ABCC8: variants seen among roughly 807,000 people sequenced by gnomAD.
ABCC8 encodes the protein ATP binding cassette subfamily C member 8, also known as ATP-binding cassette sub-family C member 8.
Under a neutral mutation model 188.0 loss-of-function variants are expected in ABCC8, and 137 were observed. The observed-to-expected ratio is 0.73, with a 90% CI of 0.63 to 0.84. The LOEUF (loss-of-function observed/expected upper bound fraction) is 0.84. Ranked by LOEUF, ABCC8 falls within the 40% of genes least tolerant of loss-of-function variation. The pLI, the probability that ABCC8 is intolerant of heterozygous loss-of-function variation, is 0.00. For synonymous variants in ABCC8, 797 were observed against 846.5 expected (o/e 0.94, Z 1.01); for missense variants, 1,750 against 2,072.7 (o/e 0.84, Z 3.02).
chr11:17,399,610 C>G (rs1295977465), intron 29 of ABCC8, among the ~76,000 whole-genome samples: 4 of 152,154 alleles, frequency 2.6e-5, no homozygotes, highest in Non-Finnish European at 5.9e-5. Flanking sequence ...AGTAGGTTTC[C>G]CCTATTATTG....
At chr11:17,414,227 C>G (rs908957028) in intron 19 of ABCC8, among the ~76,000 whole-genome samples, 6 of 152,190 alleles carry the variant, frequency 3.9e-5, no homozygotes, top group African/African-American at 7.2e-5. Context: ...TGGAGACTCA[C>G]AGAGAGAGCT....
chr11:17,435,624 G>A, intron 10 of ABCC8: 1 of 1,398,562 alleles, frequency 7.2e-7, no homozygotes, highest in Non-Finnish European at 1.0e-6. Context: ...CAGAAAGATG[G>A]GTGAATGTAA....
intron 2 of ABCC8, among the ~76,000 whole-genome samples, chr11:17,471,237 T>A (rs545956080): frequency 6.6e-6 from 1 of 152,110 alleles, no homozygotes; most frequent in Admixed American, 6.6e-5. Context: ...ACTGTTGGAG[T>A]CAGCAGGCTA....
At chr11:17,398,462 T>A (rs759280196) in intron 29 of ABCC8, 21 bp from the exon 30 acceptor site, 2 of 1,613,504 alleles carry the variant, frequency 1.2e-6, no homozygotes, top group African/African-American at 2.7e-5. Context: ...GATGAGAAGC[T>A]CCTAAGGGAA....
rs761211663 is a variant in ABCC8, at chr11:17,404,612, G to T, written c.3457C>A (p.Leu1153Met). ...SRSTLLCVSA[L>M]AVISYVTPVF... ...GGTGTGACATAGGAGATGACGGCCA[G>T]GGCTGAGACACAGAGCAGGGTGGAG... Residue 1153 changes from leucine (L) to methionine (M), a missense_variant, in exon 28 of 39, where the codon CTG (leucine) becomes ATG (methionine). Coordinates refer to ENST00000389817, the MANE Select transcript of ABCC8 (RefSeq NM_000352.6). The surrounding 1 kb of genome is among the most constrained non-coding windows in gnomAD (Gnocchi z 4.7). 5.6e-6 allele frequency: 9 copies of T among 1,613,760 alleles called. No individual in the cohort carries two copies. The African/African-American group carries it at 1.1e-4, about 19-fold the overall frequency.
chr11:17,443,573 G>A, intron 8 of ABCC8: 1 of 499,086 alleles, frequency 2.0e-6, no homozygotes, highest in Non-Finnish European at 3.7e-6. Flanking sequence ...GCTGGTTGAA[G>A]CCTTAACTCT....
chr11:17,405,416 C>T (rs1384328502), intron 27 of ABCC8, 78 bp downstream of exon 27: 15 of 1,602,096 alleles, frequency 9.4e-6, no homozygotes, highest in Admixed American at 3.3e-5. Flanking sequence ...TCTGGGGAAC[C>T]CAGCCTCAGA....
intron 4 of ABCC8, among the ~76,000 whole-genome samples, chr11:17,463,218 C>A (rs1381520784): frequency 1.3e-5 from 2 of 152,208 alleles, no homozygotes; most frequent in Non-Finnish European, 2.9e-5. Flanking sequence ...CCCATCACCC[C>A]CCTCTCCCTC....
At chr11:17,413,904 G>T (rs1487706348) in intron 19 of ABCC8, among the ~76,000 whole-genome samples, 1 of 152,180 alleles carries the variant, frequency 6.6e-6, no homozygotes, top group Non-Finnish European at 1.5e-5. Flanking sequence ...AGCCTGGGCA[G>T]GTGCCAGCCA....
chr11:17,398,643 C>T (rs1359924321), intron 29 of ABCC8: 10 of 512,574 alleles, frequency 2.0e-5, no homozygotes, highest in Non-Finnish European at 2.5e-5. Context: ...TCCCCACCTC[C>T]TCCAAACTCT....
At chr11:17,473,977 C>T (rs56179056) in intron 2 of ABCC8, among the ~76,000 whole-genome samples, 16,026 of 152,196 alleles carry the variant, frequency 0.11, 1,058 homozygotes, top group South Asian at 0.21. Context: ...CCAGCCCCTG[C>T]GCTGCTCCCT....
intron 3 of ABCC8, among the ~76,000 whole-genome samples, chr11:17,467,559 C>CTCCCTTCTCCCTT (rs1848242111): frequency 6.6e-6 from 1 of 152,138 alleles, no homozygotes; most frequent in East Asian, 1.9e-4. Flanking sequence ...CCAGTTAGTT[C>CTCCCTTCTCCCTT]CTTCAGTTCT....
chr11:17,441,857 G>T (rs959088802), intron 10 of ABCC8, among the ~76,000 whole-genome samples: 4 of 152,198 alleles, frequency 2.6e-5, no homozygotes, highest in Non-Finnish European at 4.4e-5. Flanking sequence ...TGAGGCGGGT[G>T]GATCACGAGG....
At chr11:17,408,118 T>C (rs151231256) in intron 23 of ABCC8, 1 of 367,842 alleles carries the variant, frequency 2.7e-6, no homozygotes, top group East Asian at 5.2e-5. Flanking sequence ...TGCTTAGTTT[T>C]CTTTGCCAGT....
At position 17,404,260 on chromosome 11, in the gene ABCC8, G is replaced by A. The variant is rs1215171677; in HGVS notation, c.3557+252C>T. The stretch of plus-strand genomic sequence containing the variant: ...TAAAATGTGCATTTATCATGACCTA[G>A]CAATTCCAGTCCTGACCATATCGCC... On this transcript the variant is annotated intron_variant, in intron 28 of 38. Transcript: ENST00000389817. This position sits in a 1 kb window ranked among gnomAD's most constrained non-coding sequence, Gnocchi z 4.7. Among the ~76,000 whole-genome samples the A allele has an allele frequency of 1.3e-5, 2 of 152,196 alleles. No individual in the cohort carries two copies. The highest frequency in any genetic ancestry group is 3.8e-4 in the East Asian group (2 of 5,204).
rs1955715500 is a variant in ABCC8 at position 17,428,785 on chromosome 11, C to T, written c.1818-115G>A. On this transcript the variant is annotated intron_variant, in intron 12 of 38. Transcript: ENST00000389817. ...ATCTCAGGCCTGAAGTATAGTCCCA[C>T]AAAGCCCACACTGAAGGGGGCAGAC... 3.9e-6 allele frequency: 6 copies of T among 1,536,896 alleles called. No homozygotes were observed. In the African/African-American group the frequency reaches 4.1e-5, roughly 10 times the overall value.
rs2301703 is a variant in ABCC8, at chr11:17,463,424, G to A, written c.579+14C>T. The A allele has an allele frequency of 0.4, 629,427 of 1,592,216 alleles. 129,616 individuals carry two copies. Among genetic ancestry groups the A allele is most frequent in the African/African-American group, 0.71 (52,820 of 74,662 alleles). ...CTGCTTCCCACCCCACCCTGGCCCAGGTGGCCTGCTTACCCTCACCCTGAT... is the reference window on the plus strand; with the variant it reads ...CTGCTTCCCACCCCACCCTGGCCCAAGTGGCCTGCTTACCCTCACCCTGAT... On this transcript the variant is annotated intron_variant, in intron 4 of 38. Coordinates refer to ENST00000389817, the MANE Select transcript of ABCC8 (RefSeq NM_000352.6).
rs374703754 is a variant in ABCC8, at chr11:17,395,241, T to C, written c.4342A>G (p.Ser1448Gly). 14 of 1,598,714 alleles carry C rather than the reference T, an allele frequency of 8.8e-6. No individual in the cohort carries two copies. The highest frequency in any genetic ancestry group is 1.2e-5 in the Non-Finnish European group (14 of 1,171,590). Residue 1448 changes from serine (S) to glycine (G), a missense_variant, in exon 36 of 39, where the codon AGC becomes GGC. By Grantham distance (56) the Ser-to-Gly change is moderately conservative (BLOSUM62 0). Coordinates refer to ENST00000389817, the MANE Select transcript of ABCC8 (RefSeq NM_000352.6). ...NLDPERKCSD[S>G]TLWEALEIAQ... ...ATTTCCAGGGCCTCCCACAGTGTGC[T>C]ATCTGAGCACTTCCTCTCAGGGTCC... is the stretch of plus-strand genomic sequence containing the variant.
chr11:17,397,768 G>C lies in ABCC8; in HGVS notation c.3783C>G (p.Ile1261Met), dbSNP rs1489516654. ...AGTTGGAGATGGAGGTCACCGCTGC[G>C]ATGAGCACCACACATGCACCGATGT... Reference protein sequence around the residue: ...MEYIGACVVLIAAVTSISNSL... With the variant: ...MEYIGACVVLMAAVTSISNSL... The change falls in exon 31 of 39, where the codon ATC becomes ATG. Residue 1261 changes from isoleucine to methionine, a missense_variant. Ile to Met is a conservative substitution (Grantham distance 10). Coordinates refer to ENST00000389817, the MANE Select transcript of ABCC8 (RefSeq NM_000352.6). The C allele has an allele frequency of 6.2e-7, 1 of 1,613,846 alleles. No homozygotes were observed. The highest frequency in any genetic ancestry group is 1.7e-5 in the Admixed American group (1 of 60,030).
Sources: gnomAD v4.1 joint callset for allele counts (sites outside exome capture counted in the v4.1 genomes callset) on GRCh38, gnomAD v4.1.1 for gene constraint, Gnocchi (gnomAD v3.1) non-coding constraint, MANE v1.5 for transcripts, NCBI Gene and HGNC (gene_info 2026-07-23, HGNC 2026-07-21) for gene names.